The following XXYLT1 variants were observed in gnomAD, a reference collection of about 807,000 sequenced individuals.
XXYLT1 encodes UDP-xylose:alpha-xyloside alpha-1,3-xylosyltransferase.
In XXYLT1, 20 loss-of-function variants were observed where a neutral mutation model predicts 28.9. The ratio of observed to expected loss-of-function variants is 0.69; its 90% CI spans 0.49 to 1.00. The LOEUF is 1.00. Ranked by LOEUF, XXYLT1 falls within the 50% of genes least tolerant of loss-of-function variation. The probability of loss-of-function intolerance (pLI) is 0.00; values close to 1 mark genes in which losing one functional copy is unlikely to be tolerated. For synonymous variants in XXYLT1, 257 were observed against 253.8 expected (o/e 1.01, Z -0.12); for missense variants, 542 against 560.1 (o/e 0.97, Z 0.33).
intron 3 of XXYLT1, among the ~76,000 whole-genome samples, chr3:195,072,396 C>T (rs1359513943): frequency 2.6e-5 from 4 of 152,174 alleles, no homozygotes; most frequent in African/African-American, 4.8e-5. Context: ...TTACCAACCT[C>T]GGCAGGAACG....
intron 2 of XXYLT1, among the ~76,000 whole-genome samples, chr3:195,163,840 C>T (rs192954142): frequency 1.2e-4 from 19 of 152,352 alleles, no homozygotes; most frequent in African/African-American, 4.1e-4. Flanking sequence ...TGGTGCAAGA[C>T]AGGGGCTGCT....
chr3:195,114,365 G>A (rs187672454), intron 3 of XXYLT1, among the ~76,000 whole-genome samples: 120 of 152,256 alleles, frequency 7.9e-4, no homozygotes, highest in Non-Finnish European at 1.4e-3. Context: ...CTGGAGAGCC[G>A]GGAGACACGG....
intron 2 of XXYLT1, among the ~76,000 whole-genome samples, chr3:195,166,918 C>A (rs1286406196): frequency 6.6e-6 from 1 of 152,146 alleles, no homozygotes; most frequent in Non-Finnish European, 1.5e-5. Flanking sequence ...ACCTTGTGAT[C>A]CACCCACCTC....
chr3:195,143,920 T>C (rs142302301), intron 3 of XXYLT1, among the ~76,000 whole-genome samples: 22 of 142,060 alleles, frequency 1.5e-4, no homozygotes, highest in African/African-American at 5.5e-4. Context: ...TTTTTTGAGA[T>C]GGACTCTTGC....
chr3:195,071,918 G>A (rs1202863556), intron 3 of XXYLT1, among the ~76,000 whole-genome samples: 2 of 152,178 alleles, frequency 1.3e-5, no homozygotes, highest in African/African-American at 2.4e-5. Context: ...AGACCCAAAG[G>A]GAGGGAGGGC....
chr3:195,087,699 A>G (rs1478932389), intron 3 of XXYLT1, among the ~76,000 whole-genome samples: 1 of 152,230 alleles, frequency 6.6e-6, no homozygotes, highest in East Asian at 1.9e-4. Context: ...CCGAATAGGA[A>G]CAGCTCTGGT....
At chr3:195,174,552 G>A (rs185996420) in intron 2 of XXYLT1, among the ~76,000 whole-genome samples, 68 of 152,000 alleles carry the variant, frequency 4.5e-4, no homozygotes, top group Non-Finnish European at 8.8e-4. Flanking sequence ...TGCCCAGGCT[G>A]GTCCTGAACT....
At chr3:195,086,443 T>A (rs1428013489) in intron 3 of XXYLT1, among the ~76,000 whole-genome samples, 1 of 152,192 alleles carries the variant, frequency 6.6e-6, no homozygotes, top group Non-Finnish European at 1.5e-5. Context: ...TGCATGTGAA[T>A]GCATTTCAGC....
rs1174411719 is a variant in XXYLT1 at position 195,106,411 on chromosome 3, G to A, written c.786-36300C>T. 2.0e-5 allele frequency among the ~76,000 whole-genome samples: 3 copies of A among 151,784 alleles called. No homozygotes were observed. In the East Asian group the frequency reaches 5.8e-4, roughly 29 times the overall value. ...ACCCCCAACCCCCTGAAAGGTTCTG[G>A]CCCCAGCACGGCCCCGCACACACCC... On this transcript the variant is annotated intron_variant, in intron 3 of 3. Transcript: ENST00000310380.
rs1560100691 is a variant in XXYLT1 at position 195,110,298 on chromosome 3, T to TAC, written c.786-40188_786-40187insGT. Among the ~76,000 whole-genome samples the TAC allele has an allele frequency of 1.4e-3, 13 of 9,226 alleles. 1 individual carries two copies. The highest frequency in any genetic ancestry group is 5.6e-3 in the South Asian group (2 of 356). The allele number at this position is 9,226 out of a possible 152,430, so 6.1% of individuals were successfully genotyped here. ...TGTGTGTGGGGTGTATGTGTGCGTG[T>TAC]GTGGTATATGTGTGTGTGGGTGAGG... is the stretch of plus-strand genomic sequence containing the variant. On this transcript the variant is annotated intron_variant, in intron 3 of 3. Transcript: ENST00000310380.
intron 2 of XXYLT1, among the ~76,000 whole-genome samples, chr3:195,164,065 G>A (rs534593077): frequency 6.6e-6 from 1 of 152,240 alleles, no homozygotes; most frequent in Non-Finnish European, 1.5e-5. Flanking sequence ...TGGGCAAAAG[G>A]TTACCCCCAA....
At chr3:195,265,527 C>A (rs1258785945) in intron 1 of XXYLT1, among the ~76,000 whole-genome samples, 1 of 152,204 alleles carries the variant, frequency 6.6e-6, no homozygotes, top group African/African-American at 2.4e-5. Flanking sequence ...TTGCTGTGCT[C>A]CATGGAGGCC....
In XXYLT1 at chr3:195,173,060, C is replaced by CA. The variant is rs1721488796; in HGVS notation, c.653-16480dup. ...CGGGGCTGATCGACACCCCTACTTTCAAGACTTGGCACCTCTCCATGCCTC... is the reference window on the plus strand; with the variant it reads ...CGGGGCTGATCGACACCCCTACTTTCAAAGACTTGGCACCTCTCCATGCCTC... On this transcript the variant is annotated intron_variant, in intron 2 of 3. Transcript: ENST00000310380. The surrounding 1 kb of genome is among the most constrained non-coding windows in gnomAD (Gnocchi z 4.3). 6.6e-6 allele frequency among the ~76,000 whole-genome samples: 1 copy of CA among 152,148 alleles called. No homozygotes were observed. Among genetic ancestry groups the CA allele is most frequent in the African/African-American group, 2.4e-5 (1 of 41,442 alleles).
At chr3:195,102,110 G>A (rs76991182) in intron 3 of XXYLT1, among the ~76,000 whole-genome samples, 11,417 of 151,590 alleles carry the variant, frequency 0.075, 1,024 homozygotes, top group African/African-American at 0.22. Context: ...GGGAAAAAGA[G>A]AATTGTCTGG....
At chr3:195,169,400 G>A (rs1162187982) in intron 2 of XXYLT1, among the ~76,000 whole-genome samples, 1 of 152,174 alleles carries the variant, frequency 6.6e-6, no homozygotes, top group Non-Finnish European at 1.5e-5. Context: ...AACAAGCCAC[G>A]GTGCCAGCCC....
chr3:195,257,309 A>C lies in XXYLT1; in HGVS notation c.504+13246T>G, dbSNP rs147287310. 1.1e-3 allele frequency among the ~76,000 whole-genome samples: 173 copies of C among 152,024 alleles called. No homozygotes were observed. The highest frequency in any genetic ancestry group is 2.1e-3 in the Non-Finnish European group (140 of 67,994). On this transcript the variant is annotated intron_variant, in intron 1 of 3. Coordinates refer to ENST00000310380, the MANE Select transcript of XXYLT1 (RefSeq NM_152531.5). The surrounding 1 kb of genome is among the most constrained non-coding windows in gnomAD (Gnocchi z 4.3). ...CCCATGCCAGGCCCTGCGCCACTAC[A>C]TCCTGGAGACACAGAATGAAATAAG...
chr3:195,262,913 TA>T (rs1725737622), intron 1 of XXYLT1, among the ~76,000 whole-genome samples: 2 of 152,250 alleles, frequency 1.3e-5, no homozygotes, highest in Non-Finnish European at 2.9e-5. Context: ...CACTGCCATA[TA>T]AAATGTCGGC....
At chr3:195,100,555 T>C (rs913377453) in intron 3 of XXYLT1, among the ~76,000 whole-genome samples, 1 of 152,044 alleles carries the variant, frequency 6.6e-6, no homozygotes, top group Non-Finnish European at 1.5e-5. Context: ...ATGTGGCCTC[T>C]ACCCCTGCCA....
intron 2 of XXYLT1, among the ~76,000 whole-genome samples, chr3:195,170,022 T>C (rs1171486890): frequency 9.2e-5 from 14 of 151,850 alleles, no homozygotes; most frequent in African/African-American, 3.4e-4. Flanking sequence ...CGGCTAATTT[T>C]GTATTTTTAG....
Sources: gnomAD v4.1 joint callset for allele counts (sites outside exome capture counted in the v4.1 genomes callset) on GRCh38, gnomAD v4.1.1 for gene constraint, Gnocchi (gnomAD v3.1) non-coding constraint, MANE v1.5 for transcripts, NCBI Gene and HGNC (gene_info 2026-07-23, HGNC 2026-07-21) for gene names.